The following TNFAIP3 variants were observed in gnomAD, a reference collection of about 807,000 sequenced individuals.
TNFAIP3 encodes TNF alpha induced protein 3.
TNFAIP3 carries 9 observed loss-of-function variants against 72.4 expected under a neutral mutation model. The observed-to-expected ratio is 0.12, with a 90% CI of 0.07 to 0.22. The LOEUF (loss-of-function observed/expected upper bound fraction) is 0.22, where lower values mean the gene tolerates loss of function less well. Among genes scored for constraint, TNFAIP3 ranks in the 10% least tolerant of loss-of-function variants. The probability of loss-of-function intolerance (pLI) is 1.00; values close to 1 mark genes in which losing one functional copy is unlikely to be tolerated. For missense variants in TNFAIP3, 833 were observed against 1,018.7 expected, an observed-to-expected ratio of 0.82 and a Z score of 2.48; for synonymous variants, 339 against 372.6, an observed-to-expected ratio of 0.91 and a Z score of 1.04.
At position 137,871,989 on chromosome 6, in the gene TNFAIP3, A is replaced by G. The variant is rs1776078626; in HGVS notation, c.295+467A>G. The stretch of plus-strand genomic sequence containing the variant: ...TTGAATTGGTAGCATTTTATGGGTT[A>G]ACCAGTGAATGGCTGTTGAAGACAT... On this transcript the variant is annotated intron_variant, in intron 2 of 8. Coordinates refer to ENST00000612899, the MANE Select transcript of TNFAIP3 (RefSeq NM_001270508.2). The surrounding 1 kb of genome is among the most constrained non-coding windows in gnomAD (Gnocchi z 4.2). Among the ~76,000 whole-genome samples, 1 of 152,216 alleles carries G rather than the reference A, an allele frequency of 6.6e-6. No homozygotes were observed. The highest frequency in any genetic ancestry group is 1.5e-5 in the Non-Finnish European group (1 of 68,034).
intron 7 of TNFAIP3, 38 bp from the exon 8 acceptor site, chr6:137,880,033 C>A: frequency 6.2e-7 from 1 of 1,601,396 alleles, no homozygotes; most frequent in Middle Eastern, 1.9e-4. Context: ...GGTGGGGTGA[C>A]CCCTATGTGG....
At chr6:137,875,168 A>G in intron 3 of TNFAIP3, 133 bp downstream of exon 3, 2 of 1,041,122 alleles carry the variant, frequency 1.9e-6, no homozygotes, top group Middle Eastern at 3.1e-4. Flanking sequence ...AGCATACTCA[A>G]TGGAAAACAC....
At position 137,871,216 on chromosome 6, in the gene TNFAIP3, T is replaced by C. The variant is rs2114456876; in HGVS notation, c.-12T>C. The C allele has an allele frequency of 6.3e-7, 1 of 1,599,538 alleles. No individual in the cohort carries two copies. Among genetic ancestry groups the C allele is most frequent in the Non-Finnish European group, 8.5e-7 (1 of 1,173,138 alleles). On this transcript the variant is annotated 5_prime_UTR_variant, in exon 2 of 9. Coordinates refer to ENST00000612899, the MANE Select transcript of TNFAIP3 (RefSeq NM_001270508.2). This position sits in a 1 kb window ranked among gnomAD's most constrained non-coding sequence, Gnocchi z 4.2. ...TTTTTTTTCCTTTCCTTTTCAGGTG[T>C]TGGAGAGCACAATGGCTGAACAAGT...
chr6:137,875,414 G>A (rs777370413), intron 3 of TNFAIP3, among the ~76,000 whole-genome samples: 3 of 152,092 alleles, frequency 2.0e-5, no homozygotes, highest in African/African-American at 4.8e-5. Context: ...TTTGGATAAG[G>A]GGCTGCAATA....
Position 137,879,004 on chromosome 6 carries a change from A to C in TNFAIP3, c.1559A>C (p.Lys520Thr). The C allele has an allele frequency of 6.2e-7, 1 of 1,614,214 alleles. No homozygotes were observed. Among genetic ancestry groups the C allele is most frequent in the Non-Finnish European group, 8.5e-7 (1 of 1,180,028 alleles). ...CACACAAGGCACTTGGATCCCGGGAAGTGCCAAGCCTGCCTCCAGGATGTT... is the reference window on the plus strand; with the variant it reads ...CACACAAGGCACTTGGATCCCGGGACGTGCCAAGCCTGCCTCCAGGATGTT... ...PDHTRHLDPG[K>T]CQACLQDVTR... Residue 520 changes from lysine to threonine, a missense_variant, in exon 7 of 9, where the codon AAG (lysine) becomes ACG (threonine). Coordinates refer to ENST00000612899, the MANE Select transcript of TNFAIP3 (RefSeq NM_001270508.2).
rs2114456010 is a variant in TNFAIP3, at chr6:137,871,169, G to C, written c.-15-44G>C. On this transcript the variant is annotated intron_variant, in intron 1 of 8. Coordinates refer to ENST00000612899, the MANE Select transcript of TNFAIP3 (RefSeq NM_001270508.2). The surrounding 1 kb of genome is among the most constrained non-coding windows in gnomAD (Gnocchi z 4.2). ...GCAGCTATAGAGGAGTCGTATTAAA[G>C]TCAGGCTAATAGAATGGCTTTTTTT... The C allele has an allele frequency of 6.5e-7, 1 of 1,535,912 alleles. No individual in the cohort carries two copies. The highest frequency in any genetic ancestry group is 8.7e-7 in the Non-Finnish European group (1 of 1,145,502).
rs1320711987 is a variant in TNFAIP3 at position 137,880,255 on chromosome 6, G to A, written c.2088+3G>A. The A allele has an allele frequency of 1.9e-6, 3 of 1,614,040 alleles. No homozygotes were observed. Among genetic ancestry groups the A allele is most frequent in the Non-Finnish European group, 2.5e-6 (3 of 1,180,026 alleles). On this transcript the variant is annotated splice_donor_region_variant and intron_variant, in intron 8 of 8. Transcript: ENST00000612899. ...CCAAAAGGACAGAAGAGCAACTGGT[G>A]AGACACTTGGAGGAGCTTTCCCTCC...
rs1445697348 is a variant in TNFAIP3, at chr6:137,883,275, ACAAGAGT to A, written c.*1960_*1966del. The stretch of plus-strand genomic sequence containing the variant: ...TTTTTCTAAATAAATGTAACTTTTC[ACAAGAGT>A]CAACATTAAAAAATAAATTATTTAA... On this transcript the variant is annotated 3_prime_UTR_variant, in exon 9 of 9. Coordinates refer to ENST00000612899, the MANE Select transcript of TNFAIP3 (RefSeq NM_001270508.2). 2 of 187,778 alleles carry A rather than the reference ACAAGAGT, an allele frequency of 1.1e-5. No individual in the cohort carries two copies. Among genetic ancestry groups the A allele is most frequent in the African/African-American group, 4.7e-5 (2 of 42,832 alleles). 11.6% of individuals were successfully genotyped at this position (187,778 alleles called of 1,614,324 possible). A position where few individuals can be genotyped will look rare whatever the true frequency, so the allele number is the denominator to read the frequency against.
At chr6:137,868,846 G>A (rs1775935128) in intron 1 of TNFAIP3, among the ~76,000 whole-genome samples, 1 of 152,162 alleles carries the variant, frequency 6.6e-6, no homozygotes, top group Non-Finnish European at 1.5e-5. Flanking sequence ...AGTTTTACAG[G>A]CTGTGCAAGG....
At position 137,879,311 on chromosome 6, in the gene TNFAIP3, C is replaced by A; in HGVS notation, c.1866C>A (p.Gly622=). 6.2e-7 allele frequency: 1 copy of A among 1,614,134 alleles called. No individual in the cohort carries two copies. Among genetic ancestry groups the A allele is most frequent in the Non-Finnish European group, 8.5e-7 (1 of 1,180,012 alleles). Residue 622 remains glycine (G), a synonymous_variant, in exon 7 of 9, where the codon GGC becomes GGA. Coordinates refer to ENST00000612899, the MANE Select transcript of TNFAIP3 (RefSeq NM_001270508.2). Reference sequence around the variant, plus strand: ...ATTTTGGGACTCCAGAAAACAAGGGCTTTTGCACACTGTGTTTCATCGAGT... The same window carrying A: ...ATTTTGGGACTCCAGAAAACAAGGGATTTTGCACACTGTGTTTCATCGAGT... ...CVYFGTPENK[G]FCTLCFIEYR...
intron 5 of TNFAIP3, 162 bp downstream of exon 5, chr6:137,876,328 T>C (rs1296847115): frequency 3.1e-6 from 2 of 637,194 alleles, no homozygotes. Flanking sequence ...GTAGCAGTAA[T>C]CATAATACCC....
rs774688478 is a variant in TNFAIP3 at position 137,878,807 on chromosome 6, T to C, written c.1362T>C (p.Thr454=). Residue 454 remains threonine, a synonymous_variant, in exon 7 of 9, where the codon ACT becomes ACC. Coordinates refer to ENST00000612899, the MANE Select transcript of TNFAIP3 (RefSeq NM_001270508.2). ...EPLAWNPEES[T]GGPHSAPPTA... ...TGGCGTGGAACCCTGAGGAGTCCAC[T>C]GGGGGGCCTCATTCGGCCCCACCGA... The C allele has an allele frequency of 6.2e-7, 1 of 1,614,050 alleles. No homozygotes were observed. The highest frequency in any genetic ancestry group is 1.7e-5 in the Admixed American group (1 of 60,022).
In TNFAIP3 at chr6:137,879,114, C is replaced by T; in HGVS notation, c.1669C>T (p.Pro557Ser). The change falls in exon 7 of 9, where the codon CCT becomes TCT. Residue 557 changes from proline to serine, a missense_variant. Transcript: ENST00000612899. ...ASSSLSTSLPPSCHQRSKSDP... is the reference protein window; with the variant it reads ...ASSSLSTSLPSSCHQRSKSDP... ...CTCCAGCCTCAGCACCAGCCTCCCT[C>T]CTTCCTGTCACCAGCGTTCCAAGTC... 6.2e-7 allele frequency: 1 copy of T among 1,614,188 alleles called. No individual in the cohort carries two copies. Among genetic ancestry groups the T allele is most frequent in the South Asian group, 1.1e-5 (1 of 91,088 alleles).
chr6:137,882,674 G>A lies in TNFAIP3; in HGVS notation c.*1355G>A, dbSNP rs955011795. ...ACTGGCAATGGTCACAGGGAAAGATGTGGCCTTTTGTGATGGTTTTATTTT... is the reference window on the plus strand; with the variant it reads ...ACTGGCAATGGTCACAGGGAAAGATATGGCCTTTTGTGATGGTTTTATTTT... On this transcript the variant is annotated 3_prime_UTR_variant, in exon 9 of 9. Transcript: ENST00000612899. 31 of 232,966 alleles carry A rather than the reference G, an allele frequency of 1.3e-4. No homozygotes were observed. The highest frequency in any genetic ancestry group is 6.6e-4 in the African/African-American group (30 of 45,436). The allele number at this position is 232,966 out of a possible 1,614,324, so 14.4% of individuals were successfully genotyped here. A position where few individuals can be genotyped will look rare whatever the true frequency, so the allele number is the denominator to read the frequency against.
At position 137,878,855 on chromosome 6, in the gene TNFAIP3, C is replaced by T. The variant is rs2114500605; in HGVS notation, c.1410C>T (p.Phe470=). The change falls in exon 7 of 9, where the codon TTC becomes TTT. Residue 470 remains phenylalanine (F), a synonymous_variant. Transcript: ENST00000612899. ...CGACAGCACCCAGCCCTTTTCTGTT[C>T]AGTGAGACCACTGCCATGAAGTGCA... ...APPTAPSPFL[F]SETTAMKCRS... 1 of 1,614,184 alleles carries T rather than the reference C, an allele frequency of 6.2e-7. No homozygotes were observed. The highest frequency in any genetic ancestry group is 8.5e-7 in the Non-Finnish European group (1 of 1,180,028).
chr6:137,872,225 T>C (rs1022882421), intron 2 of TNFAIP3, among the ~76,000 whole-genome samples: 1 of 152,214 alleles, frequency 6.6e-6, no homozygotes, highest in African/African-American at 2.4e-5. Context: ...ATTCCAAGCT[T>C]TACTGTTTTG....
At chr6:137,873,040 A>G (rs1483708030) in intron 2 of TNFAIP3, among the ~76,000 whole-genome samples, 1 of 152,252 alleles carries the variant, frequency 6.6e-6, no homozygotes, top group African/African-American at 2.4e-5. Context: ...ACAAGGAGCC[A>G]CACTACAAAT....
At chr6:137,877,534 G>A (rs1776293113) in intron 6 of TNFAIP3, among the ~76,000 whole-genome samples, 1 of 152,172 alleles carries the variant, frequency 6.6e-6, no homozygotes, top group Non-Finnish European at 1.5e-5. Flanking sequence ...TTTTCAAAGT[G>A]CATTTACATC....
Position 137,874,963 on chromosome 6 carries a change from T to C in TNFAIP3, c.414T>C (p.Phe138=). 1 of 1,614,244 alleles carries C rather than the reference T, an allele frequency of 6.2e-7. No individual in the cohort carries two copies. The highest frequency in any genetic ancestry group is 8.5e-7 in the Non-Finnish European group (1 of 1,180,032). Residue 138 remains phenylalanine (F), a synonymous_variant, in exon 3 of 9, where the codon TTT becomes TTC. Coordinates refer to ENST00000612899, the MANE Select transcript of TNFAIP3 (RefSeq NM_001270508.2). The stretch of plus-strand genomic sequence containing the variant: ...TCAAGGAAACAGACACACGCAACTT[T>C]AAATTCCGCTGGCAACTGGAGTCTC... ...STLKETDTRN[F]KFRWQLESLK...
Sources: gnomAD v4.1 joint callset for allele counts (sites outside exome capture counted in the v4.1 genomes callset) on GRCh38, gnomAD v4.1.1 for gene constraint, Gnocchi (gnomAD v3.1) non-coding constraint, MANE v1.5 for transcripts, NCBI Gene and HGNC (gene_info 2026-07-23, HGNC 2026-07-21) for gene names.